Variants in EIF2AK2 observed in about 807,000 individuals in gnomAD.
The protein encoded by EIF2AK2 is eukaryotic translation initiation factor 2 alpha kinase 2.
EIF2AK2 carries 40 observed loss-of-function variants against 70.5 expected under a neutral mutation model. The observed-to-expected ratio is 0.57, with a 90% CI of 0.44 to 0.74. The LOEUF (loss-of-function observed/expected upper bound fraction) is 0.74. Among genes scored for constraint, EIF2AK2 ranks in the 30% least tolerant of loss-of-function variants. The pLI is 0.00. For missense variants in EIF2AK2, 555 were observed against 644.3 expected, an observed-to-expected ratio of 0.86 and a Z score of 1.50; for synonymous variants, 198 against 220.9, an observed-to-expected ratio of 0.90 and a Z score of 0.92.
intron 6 of EIF2AK2, 89 bp downstream of exon 6, chr2:37,139,542 T>C (rs763334874): frequency 4.6e-6 from 7 of 1,523,194 alleles, no homozygotes; most frequent in Non-Finnish European, 6.2e-6. Context: ...TCACTGGCTG[T>C]CTTGGCATAA....
chr2:37,111,559 A>G (rs1674147458), intron 14 of EIF2AK2, among the ~76,000 whole-genome samples: 1 of 151,752 alleles, frequency 6.6e-6, no homozygotes, highest in Non-Finnish European at 1.5e-5. Context: ...AGCTTCAAAA[A>G]TATAAACAAT....
At position 37,141,649 on chromosome 2, in the gene EIF2AK2, A is replaced by G. The variant is rs772805071; in HGVS notation, c.293T>C (p.Met98Thr). The change falls in exon 5 of 17, where the codon ATG (methionine) becomes ACG (threonine). Residue 98 changes from methionine (M) to threonine (T), a missense_variant. This residue lies in a region of EIF2AK2 where 208 missense variants were observed against 191.8 expected (regional missense o/e 1.08). Coordinates refer to ENST00000233057, the MANE Select transcript of EIF2AK2 (RefSeq NM_001135651.3). ...ATTGATAAGGCCTATGTAATTCCCC[A>G]TGGATAATCCTTCTGAAGAATTCGT... ...TTTNSSEGLS[M>T]GNYIGLINRI... 9 of 1,614,078 alleles carry G rather than the reference A, an allele frequency of 5.6e-6. No individual in the cohort carries two copies. The Admixed American group carries it at 1.5e-4, about 27-fold the overall frequency.
At chr2:37,130,221 C>T (rs925866877) in intron 10 of EIF2AK2, among the ~76,000 whole-genome samples, 2 of 152,154 alleles carry the variant, frequency 1.3e-5, no homozygotes, top group Non-Finnish European at 2.9e-5. Context: ...CCTGCCTCAG[C>T]CTCTTGAGTA....
In EIF2AK2 at chr2:37,100,045, G is replaced by C. The variant is rs1673787540; in HGVS notation, c.*7228C>G. ...TTTGGGGGTGAGAAAAATGATAGTT[G>C]CACAACTCTGAATATAGTAAACACT... On this transcript the variant is annotated 3_prime_UTR_variant, in exon 17 of 17. Coordinates refer to ENST00000233057, the MANE Select transcript of EIF2AK2 (RefSeq NM_001135651.3). 6.6e-6 allele frequency: 1 copy of C among 152,078 alleles called. No homozygotes were observed. Among genetic ancestry groups the C allele is most frequent in the African/African-American group, 2.4e-5 (1 of 41,402 alleles). The allele number at this position is 152,078 out of a possible 1,614,324, so 9.4% of individuals were successfully genotyped here.
rs778463331 is a variant in EIF2AK2, at chr2:37,122,488, G to T, written c.1067+18C>A. 6.2e-7 allele frequency: 1 copy of T among 1,611,748 alleles called. No homozygotes were observed. Among genetic ancestry groups the T allele is most frequent in the South Asian group, 1.1e-5 (1 of 90,588 alleles). On this transcript the variant is annotated intron_variant, in intron 12 of 16. Coordinates refer to ENST00000233057, the MANE Select transcript of EIF2AK2 (RefSeq NM_001135651.3). ...TCCTTCCATCCTATTATGGCTATGAGAATTTATTTTTAGTTACCTTGAACT... is the reference window on the plus strand; with the variant it reads ...TCCTTCCATCCTATTATGGCTATGATAATTTATTTTTAGTTACCTTGAACT...
At chr2:37,149,092 C>T (rs538995422) in intron 1 of EIF2AK2, 69 bp from the exon 2 acceptor site, 36 of 907,160 alleles carry the variant, frequency 4.0e-5, no homozygotes, top group South Asian at 3.9e-4. Flanking sequence ...GTGATACCAG[C>T]GAAGACTAAG....
At chr2:37,155,636 C>G (rs1177264973) in intron 1 of EIF2AK2, among the ~76,000 whole-genome samples, 1 of 152,196 alleles carries the variant, frequency 6.6e-6, no homozygotes, top group Non-Finnish European at 1.5e-5. Context: ...ATTCACTCAT[C>G]TGGAAGAAAC....
chr2:37,102,480 G>A lies in EIF2AK2; in HGVS notation c.*4793C>T, dbSNP rs1673850169. On this transcript the variant is annotated 3_prime_UTR_variant, in exon 17 of 17. Transcript: ENST00000233057. ...AATCTCAAATTATGGTGAACACTCA[G>A]TGGGGACTGCATATTGTGAGTTATG... The A allele has an allele frequency of 1.3e-5, 2 of 152,102 alleles. No individual in the cohort carries two copies. Among genetic ancestry groups the A allele is most frequent in the African/African-American group, 4.8e-5 (2 of 41,370 alleles). The allele number at this position is 152,102 out of a possible 1,614,324, so 9.4% of individuals were successfully genotyped here. A position where few individuals can be genotyped will look rare whatever the true frequency, so the allele number is the denominator to read the frequency against.
rs1240612794 is a variant in EIF2AK2 at position 37,107,282 on chromosome 2, G to A, written c.1647C>T (p.His549=). Reference sequence around the variant, plus strand: ...CTTTTTCAGAAGGGCTCTAACATGTGTGTCGTTCATTTTTCTCTGGGCTTT... The same window carrying A: ...CTTTTTCAGAAGGGCTCTAACATGTATGTCGTTCATTTTTCTCTGGGCTTT... ...WKKSPEKNER[H]TC is the part of the protein sequence containing the mutation. The change falls in exon 17 of 17, where the codon CAC becomes CAT. Residue 549 remains histidine, a synonymous_variant. Transcript: ENST00000233057. 2 of 1,613,074 alleles carry A rather than the reference G, an allele frequency of 1.2e-6. No individual in the cohort carries two copies. Among genetic ancestry groups the A allele is most frequent in the Non-Finnish European group, 1.7e-6 (2 of 1,179,790 alleles).
chr2:37,140,248 A>G (rs1172103867), intron 5 of EIF2AK2, among the ~76,000 whole-genome samples: 1 of 152,180 alleles, frequency 6.6e-6, no homozygotes, highest in Non-Finnish European at 1.5e-5. Context: ...CCATCTGCTC[A>G]TGTGCACAAA....
At position 37,105,389 on chromosome 2, in the gene EIF2AK2, A is replaced by AT. The variant is rs1260862417; in HGVS notation, c.*1883dup. On this transcript the variant is annotated 3_prime_UTR_variant, in exon 17 of 17. Coordinates refer to ENST00000233057, the MANE Select transcript of EIF2AK2 (RefSeq NM_001135651.3). ...AGGAGAAGCAAGGAGTTCTCAATCT[A>AT]TTAGTTCCCTCAAGAGCCGGTTATT... 1.3e-5 allele frequency: 2 copies of AT among 152,158 alleles called. No individual in the cohort carries two copies. Among genetic ancestry groups the AT allele is most frequent in the Non-Finnish European group, 2.9e-5 (2 of 68,124 alleles). The allele number at this position is 152,158 out of a possible 1,614,324, so 9.4% of individuals were successfully genotyped here. A position where few individuals can be genotyped will look rare whatever the true frequency, so the allele number is the denominator to read the frequency against.
intron 14 of EIF2AK2, chr2:37,109,603 G>T: frequency 4.0e-6 from 1 of 251,496 alleles, no homozygotes; most frequent in Admixed American, 5.3e-5. Flanking sequence ...ATAGCACCCA[G>T]TAGGCGGCTT....
chr2:37,104,389 G>T lies in EIF2AK2; in HGVS notation c.*2884C>A, dbSNP rs1673904527. The T allele has an allele frequency of 6.6e-6, 1 of 151,760 alleles. No individual in the cohort carries two copies. The highest frequency in any genetic ancestry group is 6.6e-5 in the Admixed American group (1 of 15,200). The allele number at this position is 151,760 out of a possible 1,614,324, so 9.4% of individuals were successfully genotyped here. A position where few individuals can be genotyped will look rare whatever the true frequency, so the allele number is the denominator to read the frequency against. ...GGCTGGAATGCAGTAACATGATCAT[G>T]GCTCACTGCGGCCTTGACCTCCTAG... On this transcript the variant is annotated 3_prime_UTR_variant, in exon 17 of 17. Transcript: ENST00000233057.
chr2:37,119,830 G>T, intron 13 of EIF2AK2, 129 bp downstream of exon 13: 1 of 432,018 alleles, frequency 2.3e-6, no homozygotes, highest in Non-Finnish European at 3.6e-6. Context: ...GACCTCAGAT[G>T]ATCTGCCTGC....
chr2:37,136,872 T>C (rs1273201492), intron 9 of EIF2AK2, 111 bp downstream of exon 9: 2 of 1,005,450 alleles, frequency 2.0e-6, no homozygotes, highest in Admixed American at 3.4e-5. Flanking sequence ...TTTCTGCTTC[T>C]GAAACTCTGC....
chr2:37,154,686 G>A (rs4670663), intron 1 of EIF2AK2, among the ~76,000 whole-genome samples: 62,447 of 151,588 alleles, frequency 0.41, 13,531 homozygotes, highest in East Asian at 0.77. Context: ...TCAGCATTCC[G>A]AGTAGCTGGG....
intron 1 of EIF2AK2, chr2:37,149,234 C>A (rs563284418): frequency 9.2e-7 from 1 of 1,086,302 alleles, no homozygotes; most frequent in Non-Finnish European, 1.4e-6. Context: ...CCACTGTGAC[C>A]GCAAGTCACA....
chr2:37,104,563 T>TC lies in EIF2AK2; in HGVS notation c.*2709dup, dbSNP rs1673908500. The TC allele has an allele frequency of 6.6e-6, 1 of 152,140 alleles. No homozygotes were observed. Among genetic ancestry groups the TC allele is most frequent in the South Asian group, 2.1e-4 (1 of 4,834 alleles). The allele number at this position is 152,140 out of a possible 1,614,324, so 9.4% of individuals were successfully genotyped here. On this transcript the variant is annotated 3_prime_UTR_variant, in exon 17 of 17. Coordinates refer to ENST00000233057, the MANE Select transcript of EIF2AK2 (RefSeq NM_001135651.3). ...TCAAAATCCTATGCTCAAGCCATCC[T>TC]CCCCTTTTGACCTCCCAAAAATGCT...
At chr2:37,139,977 A>T (rs1302287610) in intron 5 of EIF2AK2, among the ~76,000 whole-genome samples, 4 of 152,180 alleles carry the variant, frequency 2.6e-5, no homozygotes, top group Non-Finnish European at 4.4e-5. Flanking sequence ...TGCATTTTCC[A>T]GGCAATTTCT....
Sources: allele counts gnomAD v4.1 joint callset (sites outside exome capture counted in the v4.1 genomes callset), GRCh38; gene constraint gnomAD v4.1.1; regional missense constraint gnomAD v4.1.1; transcripts MANE v1.5; gene names NCBI Gene and HGNC (gene_info 2026-07-23, HGNC 2026-07-21).